SLC26A5: variants seen among roughly 807,000 people sequenced by gnomAD.
SLC26A5 encodes solute carrier family 26 member 5, also known as prestin.
Under a neutral mutation model 81.0 loss-of-function variants are expected in SLC26A5, and 51 were observed. The observed-to-expected ratio is 0.63, with a 90% CI of 0.50 to 0.80. SLC26A5 has a LOEUF of 0.80. Among genes scored for constraint, SLC26A5 ranks in the 30% least tolerant of loss-of-function variants. The pLI, the probability that SLC26A5 is intolerant of heterozygous loss-of-function variation, is 0.00. For missense variants in SLC26A5, 771 were observed against 905.8 expected (o/e 0.85, Z 1.91); for synonymous variants, 325 against 332.8 (o/e 0.98, Z 0.25).
intron 2 of SLC26A5, among the ~76,000 whole-genome samples, chr7:103,422,480 TAAAAC>T (rs1292579199): frequency 6.6e-6 from 1 of 152,092 alleles, no homozygotes; most frequent in African/African-American, 2.4e-5. Context: ...TTTAAAAACA[TAAAAC>T]AATAGTATAT....
chr7:103,416,364 G>A (rs547025110), intron 4 of SLC26A5, among the ~76,000 whole-genome samples: 1 of 152,236 alleles, frequency 6.6e-6, no homozygotes. Flanking sequence ...GTCACCATCT[G>A]CTTTGGGCTA....
intron 9 of SLC26A5, among the ~76,000 whole-genome samples, chr7:103,394,032 T>A (rs2116502049): frequency 6.6e-6 from 1 of 152,270 alleles, no homozygotes; most frequent in African/African-American, 2.4e-5. Context: ...GAAAATGAGG[T>A]ATAGCAAGGT....
At position 103,367,975 on chromosome 7, in the gene SLC26A5, A is replaced by G; in HGVS notation, c.2041+8833T>C. 1.2e-6 allele frequency: 2 copies of G among 1,614,084 alleles called. No homozygotes were observed. The highest frequency in any genetic ancestry group is 1.7e-6 in the Non-Finnish European group (2 of 1,179,950). Reference sequence around the variant, plus strand: ...CGGCGAAAAATTGCTACCGAGAAGGATTTCTTGGAAGCTGTAAATAAGGTC... The same window carrying G: ...CGGCGAAAAATTGCTACCGAGAAGGGTTTCTTGGAAGCTGTAAATAAGGTC... On this transcript the variant is annotated intron_variant, in intron 19 of 19. Coordinates refer to the SLC26A5 transcript ENST00000339444. This position sits in a 1 kb window ranked among gnomAD's most constrained non-coding sequence, Gnocchi z 6.1.
chr7:103,378,417 C>T lies in SLC26A5; in HGVS notation c.1785+29G>A, dbSNP rs372245747. On this transcript the variant is annotated intron_variant, in intron 17 of 19. Transcript: ENST00000306312. ...GAGGGCATTGCAGAACAAGACAGAACGGATTATTTCAATGAAAAGACCACT... is the reference window on the plus strand; with the variant it reads ...GAGGGCATTGCAGAACAAGACAGAATGGATTATTTCAATGAAAAGACCACT... 1.6e-5 allele frequency: 26 copies of T among 1,591,168 alleles called. 1 individual carries two copies. Among genetic ancestry groups the T allele is most frequent in the Middle Eastern group, 3.3e-4 (2 of 6,046 alleles).
At chr7:103,442,419 T>C (rs779765405) in intron 2 of SLC26A5, among the ~76,000 whole-genome samples, 11 of 152,176 alleles carry the variant, frequency 7.2e-5, no homozygotes, top group Non-Finnish European at 1.3e-4. Context: ...ATTACAGGTG[T>C]GAGCCACTGA....
At chr7:103,424,380 G>A (rs1825574773) in intron 2 of SLC26A5, among the ~76,000 whole-genome samples, 1 of 152,112 alleles carries the variant, frequency 6.6e-6, no homozygotes, top group African/African-American at 2.4e-5. Context: ...ATCATACTCT[G>A]AATTCCCAGG....
chr7:103,441,124 AAG>A (rs1232150766), intron 2 of SLC26A5, among the ~76,000 whole-genome samples: 1 of 152,172 alleles, frequency 6.6e-6, no homozygotes, highest in Non-Finnish European at 1.5e-5. Flanking sequence ...CGAGAAAGAA[AAG>A]AGAGAAATTA....
chr7:103,382,443 G>A (rs1363477018), intron 14 of SLC26A5, among the ~76,000 whole-genome samples: 2 of 142,130 alleles, frequency 1.4e-5, no homozygotes, highest in African/African-American at 5.3e-5. Context: ...TCCGCCTCCC[G>A]GGTTCAAGCA....
chr7:103,377,851 G>A (rs1421334255), intron 17 of SLC26A5, 52 bp from the exon 18 acceptor site: 1 of 1,542,714 alleles, frequency 6.5e-7, no homozygotes, highest in East Asian at 2.2e-5. Context: ...TCACATTTCT[G>A]GTTGTGAGAA....
chr7:103,389,299 A>G, intron 13 of SLC26A5, 30 bp downstream of exon 13: 2 of 1,480,040 alleles, frequency 1.4e-6, no homozygotes, highest in Non-Finnish European at 1.9e-6. Flanking sequence ...TCTATGACAT[A>G]TTAACAGAGC....
chr7:103,373,188 G>T (rs1821127527), downstream of SLC26A5, among the ~76,000 whole-genome samples: 1 of 152,128 alleles, frequency 6.6e-6, no homozygotes, highest in South Asian at 2.1e-4. Flanking sequence ...AATGCCAAAG[G>T]AATACCACAC....
rs1474955980 is a variant in SLC26A5 at position 103,393,033 on chromosome 7, G to A, written c.1005C>T (p.Leu335=). Residue 335 remains leucine (L), a synonymous_variant, in exon 10 of 20, where the codon CTC becomes CTT. Transcript: ENST00000306312. ...LLPPANPDTS[L]FHLVYVDAIA... is the part of the protein sequence containing the mutation. ...TGGCATCTACGTACACAAGGTGGAA[G>A]AGGCTGGTGTCCGGATTGGCTGGAG... 1 of 1,614,040 alleles carries A rather than the reference G, an allele frequency of 6.2e-7. No individual in the cohort carries two copies. Among genetic ancestry groups the A allele is most frequent in the Admixed American group, 1.7e-5 (1 of 60,026 alleles).
At chr7:103,390,654 T>G in intron 11 of SLC26A5, 148 bp from the exon 12 acceptor site, 1 of 728,836 alleles carries the variant, frequency 1.4e-6, no homozygotes, top group Non-Finnish European at 2.5e-6. Flanking sequence ...ACATAACCTA[T>G]AGCTCCATCA....
chr7:103,412,947 G>T (rs954913275), intron 5 of SLC26A5, 55 bp downstream of exon 5: 1 of 1,276,078 alleles, frequency 7.8e-7, no homozygotes, highest in Non-Finnish European at 1.1e-6. Context: ...TTGGCACATT[G>T]CAAGGTTGGA....
chr7:103,395,523 A>T (rs1823033476), intron 9 of SLC26A5, among the ~76,000 whole-genome samples: 1 of 21,272 alleles, frequency 4.7e-5, no homozygotes, highest in African/African-American at 1.7e-4. Flanking sequence ...ATATATATAA[A>T]TTTTTTTTTT....
In SLC26A5 at chr7:103,410,482, A is replaced by G. The variant is rs1824401729; in HGVS notation, c.638T>C (p.Phe213Ser). 1.2e-6 allele frequency: 2 copies of G among 1,614,014 alleles called. No homozygotes were observed. Among genetic ancestry groups the G allele is most frequent in the African/African-American group, 2.7e-5 (2 of 74,914 alleles). The change falls in exon 7 of 20, where the codon TTT (phenylalanine) becomes TCT (serine). Residue 213 changes from phenylalanine to serine, a missense_variant. Transcript: ENST00000306312. ...IYLTEPLVRG[F>S]TTAAAVHVFT... is the part of the protein sequence containing the mutation. ...GACATGCACAGCTGCTGCGGTGGTA[A>G]ACCCACGGACCAGAGGCTCTGTGAG...
chr7:103,409,375 T>C (rs1824298335), intron 7 of SLC26A5, among the ~76,000 whole-genome samples: 1 of 152,256 alleles, frequency 6.6e-6, no homozygotes, highest in Non-Finnish European at 1.5e-5. Flanking sequence ...GTACTTCTAC[T>C]GTCAATTAAT....
chr7:103,355,197 CA>C (rs1287122275), intron 19 of SLC26A5, among the ~76,000 whole-genome samples: 1 of 152,156 alleles, frequency 6.6e-6, no homozygotes, highest in Non-Finnish European at 1.5e-5. Flanking sequence ...TTCTGTTGGT[CA>C]AAACCCAGTT....
At chr7:103,440,986 G>A (rs1255516926) in intron 2 of SLC26A5, among the ~76,000 whole-genome samples, 2 of 152,194 alleles carry the variant, frequency 1.3e-5, no homozygotes, top group Non-Finnish European at 2.9e-5. Flanking sequence ...TGTATGGAAG[G>A]CTGCAGGGAA....
Sources: gnomAD v4.1 joint callset for allele counts (sites outside exome capture counted in the v4.1 genomes callset) on GRCh38, gnomAD v4.1.1 for gene constraint, Gnocchi (gnomAD v3.1) non-coding constraint, MANE v1.5 for transcripts, NCBI Gene and HGNC (gene_info 2026-07-23, HGNC 2026-07-21) for gene names.